The following GAP43 variants were observed in gnomAD, a reference collection of about 807,000 sequenced individuals.
GAP43 encodes growth associated protein 43, also known as neuromodulin.
GAP43 carries 6 observed loss-of-function variants against 18.6 expected under a neutral mutation model. The observed-to-expected ratio is 0.32, with a 90% CI of 0.18 to 0.64. The LOEUF (loss-of-function observed/expected upper bound fraction) is 0.64, where lower values mean the gene tolerates loss of function less well. Among genes scored for constraint, GAP43 ranks in the 30% least tolerant of loss-of-function variants. The probability of loss-of-function intolerance (pLI) is 0.78; values close to 1 mark genes in which losing one functional copy is unlikely to be tolerated. For missense variants in GAP43, 292 were observed against 295.5 expected, an observed-to-expected ratio of 0.99 and a Z score of 0.09; for synonymous variants, 115 against 111.4, an observed-to-expected ratio of 1.03 and a Z score of -0.20.
chr3:115,625,251 G>A (rs1708172118), intron 1 of GAP43, among the ~76,000 whole-genome samples: 1 of 149,698 alleles, frequency 6.7e-6, no homozygotes, highest in African/African-American at 2.5e-5. Flanking sequence ...TGGATTGTGT[G>A]GGGCTATTTG....
At chr3:115,683,133 GTGCGCGCGCGCGCGCACACACACACA>G (rs1708979517) in intron 2 of GAP43, among the ~76,000 whole-genome samples, 1 of 87,988 alleles carries the variant, frequency 1.1e-5, no homozygotes, top group African/African-American at 3.9e-5. Context: ...GTGCGCGCGC[GTGCGCGCGCGCGCGCACACACACACA>G]CACACACACA....
chr3:115,700,292 G>T (rs1709281310), intron 2 of GAP43, among the ~76,000 whole-genome samples: 1 of 152,080 alleles, frequency 6.6e-6, no homozygotes, highest in African/African-American at 2.4e-5. Context: ...CCTCAGCCTG[G>T]CCAATATGAA....
Position 115,648,102 on chromosome 3 carries a change from T to C in GAP43, c.30+24383T>C, listed in dbSNP as rs555877942. ...TCAATTTGGCTAACCAGTTGTTTTG[T>C]AGTCTAGGCTGTATGACAGTGTGAC... is the stretch of plus-strand genomic sequence containing the variant. On this transcript the variant is annotated intron_variant, in intron 1 of 2. Transcript: ENST00000305124. 1.6e-3 allele frequency among the ~76,000 whole-genome samples: 244 copies of C among 152,262 alleles called. 2 individuals carry two copies. The highest frequency in any genetic ancestry group is 5.6e-3 in the African/African-American group (232 of 41,566).
intron 1 of GAP43, among the ~76,000 whole-genome samples, chr3:115,657,543 A>ACCC (rs1708598480): frequency 6.6e-6 from 1 of 152,158 alleles, no homozygotes; most frequent in African/African-American, 2.4e-5. Context: ...CAAACCAGAT[A>ACCC]AGGTCACTGC....
intron 1 of GAP43, chr3:115,658,819 G>A (rs1001199749): frequency 6.6e-6 from 1 of 152,306 alleles, no homozygotes; most frequent in Non-Finnish European, 1.5e-5. Context: ...GTCAGCCCAG[G>A]GCCCCAGGTC....
At chr3:115,646,394 A>G (rs576787832) in intron 1 of GAP43, among the ~76,000 whole-genome samples, 11 of 152,214 alleles carry the variant, frequency 7.2e-5, no homozygotes, top group African/African-American at 2.6e-4. Context: ...GGCTCAATTA[A>G]CCAGTGCCTT....
chr3:115,637,433 C>A (rs1708343565), intron 1 of GAP43, among the ~76,000 whole-genome samples: 2 of 152,016 alleles, frequency 1.3e-5, no homozygotes, highest in African/African-American at 2.4e-5. Flanking sequence ...ATGAAACATA[C>A]CTTGCCTCTT....
chr3:115,648,692 G>C (rs571764106), intron 1 of GAP43, among the ~76,000 whole-genome samples: 1 of 152,066 alleles, frequency 6.6e-6, no homozygotes, highest in Non-Finnish European at 1.5e-5. Context: ...ATTCATCTTC[G>C]TGGCATTAGT....
chr3:115,699,274 A>G (rs1480749114), intron 2 of GAP43, among the ~76,000 whole-genome samples: 1 of 152,174 alleles, frequency 6.6e-6, no homozygotes, highest in Admixed American at 6.5e-5. Flanking sequence ...AACAGGGTTA[A>G]TGCCACTCTC....
chr3:115,693,958 T>A (rs2107360519), intron 2 of GAP43, among the ~76,000 whole-genome samples: 1 of 152,280 alleles, frequency 6.6e-6, no homozygotes. Flanking sequence ...AATCCCCAAT[T>A]ATCAGCCTTC....
At chr3:115,653,388 G>A (rs1252354924) in intron 1 of GAP43, among the ~76,000 whole-genome samples, 1 of 152,144 alleles carries the variant, frequency 6.6e-6, no homozygotes, top group African/African-American at 2.4e-5. Context: ...GGTGCAGTGA[G>A]TTGAGATCTT....
chr3:115,718,253 A>T (rs939026213), intron 2 of GAP43, among the ~76,000 whole-genome samples: 3 of 152,190 alleles, frequency 2.0e-5, no homozygotes, highest in African/African-American at 7.2e-5. Flanking sequence ...GGCACTAAAA[A>T]CATTGCTTCT....
chr3:115,681,249 T>G (rs1299744872), intron 2 of GAP43, among the ~76,000 whole-genome samples: 2 of 152,336 alleles, frequency 1.3e-5, no homozygotes, highest in East Asian at 3.9e-4. Context: ...TATTTTTATA[T>G]TCCAAGAATA....
At chr3:115,630,776 C>A (rs1576975618) in intron 1 of GAP43, among the ~76,000 whole-genome samples, 1 of 152,046 alleles carries the variant, frequency 6.6e-6, no homozygotes, top group East Asian at 1.9e-4. Flanking sequence ...TAAGTAATAC[C>A]AGTTCATGTT....
intron 2 of GAP43, among the ~76,000 whole-genome samples, chr3:115,696,826 T>G (rs991105916): frequency 2.6e-5 from 4 of 151,318 alleles, no homozygotes; most frequent in Non-Finnish European, 4.4e-5. Flanking sequence ...GTTTGTTGGT[T>G]AGTTTTGTTT....
intron 2 of GAP43, among the ~76,000 whole-genome samples, chr3:115,702,712 C>T (rs1219999214): frequency 6.6e-6 from 1 of 152,052 alleles, no homozygotes; most frequent in Non-Finnish European, 1.5e-5. Flanking sequence ...GTCAACTAAA[C>T]AGGATTTGTT....
chr3:115,652,389 A>ATTTTTTTTTTTTTTTTTTTTTTTTTTT (rs1708531283), intron 1 of GAP43, among the ~76,000 whole-genome samples: 1 of 25,590 alleles, frequency 3.9e-5, no homozygotes, highest in African/African-American at 1.2e-4. Flanking sequence ...TTTTTTTGTG[A>ATTTTTTTTTTTTTTTTTTTTTTTTTTT]TAGAGTCTTG....
chr3:115,701,541 C>T (rs1709297263), intron 2 of GAP43, among the ~76,000 whole-genome samples: 1 of 151,976 alleles, frequency 6.6e-6, no homozygotes, highest in Non-Finnish European at 1.5e-5. Flanking sequence ...CTTTTAGATT[C>T]TGGTTTCTCC....
At chr3:115,633,119 T>C (rs1312491203) in intron 1 of GAP43, among the ~76,000 whole-genome samples, 1 of 152,102 alleles carries the variant, frequency 6.6e-6, no homozygotes, top group Non-Finnish European at 1.5e-5. Flanking sequence ...ATAAACTCTT[T>C]CTGGGGCCCT....
Sources: allele counts gnomAD v4.1 joint callset (sites outside exome capture counted in the v4.1 genomes callset), GRCh38; gene constraint gnomAD v4.1.1; transcripts MANE v1.5; gene names NCBI Gene and HGNC (gene_info 2026-07-23, HGNC 2026-07-21).